DLGAP1: variants seen among roughly 807,000 people sequenced by gnomAD.
DLGAP1 encodes disks large-associated protein 1.
DLGAP1 carries 11 observed loss-of-function variants against 90.8 expected under a neutral mutation model. The ratio of observed to expected loss-of-function variants is 0.12; its 90% CI spans 0.08 to 0.20. DLGAP1 has a LOEUF of 0.20. DLGAP1 is among the 10% of genes least tolerant of loss of function. The probability of loss-of-function intolerance (pLI) is 1.00; values close to 1 mark genes in which losing one functional copy is unlikely to be tolerated. For synonymous variants in DLGAP1, 558 were observed against 540.7 expected (o/e 1.03, Z -0.44); for missense variants, 1,050 against 1,333.8 (o/e 0.79, Z 3.31).
intron 1 of DLGAP1, among the ~76,000 whole-genome samples, chr18:4,166,996 T>C (rs941763618): frequency 6.6e-6 from 1 of 152,202 alleles, no homozygotes; most frequent in African/African-American, 2.4e-5. Context: ...CAGTGAATTG[T>C]ACACTTAATG....
chr18:3,632,119 C>T (rs948268136), intron 7 of DLGAP1, among the ~76,000 whole-genome samples: 2 of 152,084 alleles, frequency 1.3e-5, no homozygotes, highest in African/African-American at 4.8e-5. Context: ...AATGCCCATG[C>T]GTCCTTACTT....
rs946430100 is a variant in DLGAP1, at chr18:4,454,301, A to G, written c.-267+705T>C. Among the ~76,000 whole-genome samples, 3 of 152,056 alleles carry G rather than the reference A, an allele frequency of 2.0e-5. No individual in the cohort carries two copies. The highest frequency in any genetic ancestry group is 2.0e-4 in the East Asian group (1 of 5,122). On this transcript the variant is annotated intron_variant, in intron 1 of 12. Transcript: ENST00000315677. This position sits in a 1 kb window ranked among gnomAD's most constrained non-coding sequence, Gnocchi z 4.7. ...CCTTGGTTCCAGCCCGGCTCATTCA[A>G]TTCGCTGAATGTCGGGTCTCCCGGC...
intron 7 of DLGAP1, among the ~76,000 whole-genome samples, chr18:3,716,828 A>T (rs933375242): frequency 6.6e-6 from 1 of 151,888 alleles, no homozygotes; most frequent in African/African-American, 2.4e-5. Context: ...ATTATTATAA[A>T]CTTTTTTAAA....
At chr18:4,086,805 G>T (rs2075687784) in intron 2 of DLGAP1, among the ~76,000 whole-genome samples, 1 of 151,430 alleles carries the variant, frequency 6.6e-6, no homozygotes, top group Non-Finnish European at 1.5e-5. Flanking sequence ...GTGTTGTTAA[G>T]TTCTATATCC....
At chr18:3,604,700 A>G (rs982661095) in intron 7 of DLGAP1, among the ~76,000 whole-genome samples, 4 of 152,132 alleles carry the variant, frequency 2.6e-5, no homozygotes, top group African/African-American at 9.7e-5. Context: ...TAGATCCTAC[A>G]GTTTTAATGT....
intron 9 of DLGAP1, among the ~76,000 whole-genome samples, chr18:3,535,084 G>C (rs1020584373): frequency 3.5e-5 from 5 of 141,732 alleles, no homozygotes; most frequent in African/African-American, 1.5e-4. Flanking sequence ...GTGTGTGTGT[G>C]TGTGTGTGTG....
intron 3 of DLGAP1, among the ~76,000 whole-genome samples, chr18:3,965,445 G>A (rs1479803169): frequency 6.6e-6 from 1 of 152,248 alleles, no homozygotes; most frequent in East Asian, 1.9e-4. Context: ...TTTGGCTTTT[G>A]GGATTTAAGA....
intron 3 of DLGAP1, among the ~76,000 whole-genome samples, chr18:4,001,972 T>C (rs9789192): frequency 0.87 from 131,745 of 152,040 alleles, 57,359 homozygotes; most frequent in African/African-American, 0.92. Flanking sequence ...TTTTTATTTC[T>C]TCTGATGTGT....
chr18:3,911,455 T>C (rs1220504913), intron 3 of DLGAP1, among the ~76,000 whole-genome samples: 2 of 152,232 alleles, frequency 1.3e-5, no homozygotes, highest in African/African-American at 4.8e-5. Context: ...TCATTTTATA[T>C]GATTATCAGG....
At chr18:4,369,639 A>G (rs1338277596) in intron 1 of DLGAP1, among the ~76,000 whole-genome samples, 1 of 151,930 alleles carries the variant, frequency 6.6e-6, no homozygotes, top group African/African-American at 2.4e-5. Flanking sequence ...TCAGTGTTTG[A>G]CAGACAGATG....
intron 2 of DLGAP1, among the ~76,000 whole-genome samples, chr18:4,122,902 C>G (rs1272800543): frequency 6.6e-6 from 1 of 152,138 alleles, no homozygotes; most frequent in Non-Finnish European, 1.5e-5. Context: ...TGTCCCTCTC[C>G]TATATAACTA....
chr18:3,542,852 A>G (rs1192145555), intron 9 of DLGAP1, among the ~76,000 whole-genome samples: 23 of 152,240 alleles, frequency 1.5e-4, no homozygotes, highest in Non-Finnish European at 2.4e-4. Context: ...AACCTGTACC[A>G]CACACTTATT....
intron 1 of DLGAP1, among the ~76,000 whole-genome samples, chr18:4,362,292 C>G (rs2081646713): frequency 1.3e-5 from 2 of 152,162 alleles, no homozygotes; most frequent in African/African-American, 2.4e-5. Flanking sequence ...CCAGTGTTCA[C>G]AGCAGAATTA....
intron 3 of DLGAP1, among the ~76,000 whole-genome samples, chr18:3,880,969 AAAAAGAAAACTAGG>A (rs1188123868): frequency 6.7e-6 from 1 of 148,954 alleles, no homozygotes; most frequent in Non-Finnish European, 1.5e-5. Context: ...AAAAAAAAAG[AAAAAGAAAACTAGG>A]AAAAGAAAAC....
At chr18:3,923,598 C>T (rs994452338) in intron 3 of DLGAP1, among the ~76,000 whole-genome samples, 3 of 152,116 alleles carry the variant, frequency 2.0e-5, no homozygotes, top group Non-Finnish European at 4.4e-5. Context: ...TGGTTTACAT[C>T]GTGTTTATAA....
chr18:4,387,733 C>T (rs561775744), intron 1 of DLGAP1, among the ~76,000 whole-genome samples: 1 of 152,272 alleles, frequency 6.6e-6, no homozygotes, highest in South Asian at 2.1e-4. Flanking sequence ...GAGTTCGGGA[C>T]TAGCCTGGCC....
intron 4 of DLGAP1, among the ~76,000 whole-genome samples, chr18:3,828,829 G>A (rs572277520): frequency 1.3e-5 from 2 of 152,128 alleles, no homozygotes; most frequent in South Asian, 4.2e-4. Context: ...CGATGGAGCT[G>A]GGAAAATCAT....
intron 1 of DLGAP1, among the ~76,000 whole-genome samples, chr18:4,373,809 A>G (rs2081964443): frequency 6.6e-6 from 1 of 152,250 alleles, no homozygotes; most frequent in South Asian, 2.1e-4. Context: ...GAATCTGGAC[A>G]GTAGTTGGTG....
chr18:3,917,245 G>A (rs964870460), intron 3 of DLGAP1, among the ~76,000 whole-genome samples: 5 of 152,218 alleles, frequency 3.3e-5, no homozygotes, highest in African/African-American at 1.2e-4. Flanking sequence ...CCCGTCATAA[G>A]TTGAGAAGCA....
Sources: allele counts gnomAD v4.1 joint callset (sites outside exome capture counted in the v4.1 genomes callset), GRCh38; gene constraint gnomAD v4.1.1; non-coding constraint Gnocchi (gnomAD v3.1); transcripts MANE v1.5; gene names NCBI Gene and HGNC (gene_info 2026-07-23, HGNC 2026-07-21).